TACC2: variants seen among roughly 807,000 people sequenced by gnomAD.
TACC2 encodes transforming acidic coiled-coil-containing protein 2.
In TACC2, 137 loss-of-function variants were observed where a neutral mutation model predicts 227.3. The observed-to-expected ratio is 0.60, with a 90% CI of 0.52 to 0.69. The LOEUF (loss-of-function observed/expected upper bound fraction) is 0.69, where lower values mean the gene tolerates loss of function less well. Among genes scored for constraint, TACC2 ranks in the 30% least tolerant of loss-of-function variants. TACC2 has a pLI of 0.00. For synonymous variants in TACC2, 1,523 were observed against 1,487.5 expected, an observed-to-expected ratio of 1.02 and a Z score of -0.55; for missense variants, 3,470 against 3,694.4, an observed-to-expected ratio of 0.94 and a Z score of 1.57.
chr10:122,221,381 AC>A (rs2095520579), intron 11 of TACC2, among the ~76,000 whole-genome samples: 1 of 152,118 alleles, frequency 6.6e-6, no homozygotes, highest in Non-Finnish European at 1.5e-5. Context: ...TGTCCAAGAG[AC>A]CCTGACAGAG....
Position 122,224,902 on chromosome 10 carries a change from T to G in TACC2, c.7608+115T>G. 8.3e-6 allele frequency: 7 copies of G among 842,310 alleles called. 1 individual carries two copies. The South Asian group carries it at 1.1e-4, about 13-fold the overall frequency. The allele number at this position is 842,310 out of a possible 1,614,324, so 52.2% of individuals were successfully genotyped here. On this transcript the variant is annotated intron_variant, in intron 12 of 22. Transcript: ENST00000369005. ...GACCCCAAATCGAGTGTTTTCTGTG[T>G]ACACAGCTTCCCGGGTGCACAGCAG...
At position 122,210,866 on chromosome 10, in the gene TACC2, C is replaced by A. The variant is rs1180009063; in HGVS notation, c.6441C>A (p.Thr2147=). ...AGACCACCAAGAAACCCACAGAGAC[C>A]CCCCCAGTGAAGGAGACGCAACAGG... is the stretch of plus-strand genomic sequence containing the variant. The part of the protein sequence containing the change: ...KKQTTKKPTE[T]PPVKETQQEP... Residue 2147 remains threonine, a synonymous_variant, in exon 9 of 23, where the codon ACC becomes ACA. Coordinates refer to ENST00000369005, the MANE Select transcript of TACC2 (RefSeq NM_206862.4). This position sits in a 1 kb window ranked among gnomAD's most constrained non-coding sequence, Gnocchi z 4.6. The A allele has an allele frequency of 1.2e-6, 2 of 1,613,554 alleles. No individual in the cohort carries two copies. The highest frequency in any genetic ancestry group is 2.2e-5 in the South Asian group (2 of 91,018).
intron 5 of TACC2, among the ~76,000 whole-genome samples, chr10:122,092,044 G>A (rs2080880666): frequency 6.6e-6 from 1 of 152,324 alleles, no homozygotes; most frequent in South Asian, 2.1e-4. Context: ...GGTGCCCAGT[G>A]GGTGTTAGAT....
intron 16 of TACC2, 119 bp from the exon 17 acceptor site, chr10:122,237,276 T>A (rs2095875060): frequency 2.0e-6 from 2 of 991,184 alleles, no homozygotes; most frequent in African/African-American, 3.3e-5. Flanking sequence ...TTCTCATACT[T>A]TTGATGTTCT....
intron 11 of TACC2, among the ~76,000 whole-genome samples, chr10:122,220,051 A>G (rs986477794): frequency 2.6e-5 from 4 of 151,676 alleles, no homozygotes; most frequent in Middle Eastern, 6.8e-3. Context: ...AAAAAAAAAA[A>G]GAAAAAAGAA....
At chr10:122,115,226 T>G (rs1374238671) in intron 5 of TACC2, among the ~76,000 whole-genome samples, 3 of 152,040 alleles carry the variant, frequency 2.0e-5, no homozygotes, top group African/African-American at 7.3e-5. Context: ...AGATGGTGGT[T>G]GAATTGAATG....
chr10:122,070,598 A>C (rs1003228651), intron 3 of TACC2, among the ~76,000 whole-genome samples: 1 of 152,062 alleles, frequency 6.6e-6, no homozygotes, highest in Non-Finnish European at 1.5e-5. Flanking sequence ...TACTAAAAAT[A>C]CAAAATTAGC....
chr10:122,077,917 A>G (rs1444521513), intron 3 of TACC2, among the ~76,000 whole-genome samples: 1 of 152,104 alleles, frequency 6.6e-6, no homozygotes, highest in African/African-American at 2.4e-5. Context: ...TGCCCAGGCC[A>G]GGCTCAGTGG....
intron 7 of TACC2, 66 bp downstream of exon 7, chr10:122,143,772 C>A (rs186618601): frequency 6.4e-6 from 10 of 1,561,336 alleles, no homozygotes; most frequent in Non-Finnish European, 1.7e-6. Flanking sequence ...GTCTCTGCCC[C>A]CTAGGTCTTG....
Position 122,084,139 on chromosome 10 carries a change from C to A in TACC2, c.1639C>A (p.Pro547Thr). The A allele has an allele frequency of 6.2e-7, 1 of 1,614,054 alleles. No individual in the cohort carries two copies. Among genetic ancestry groups the A allele is most frequent in the Middle Eastern group, 1.6e-4 (1 of 6,062 alleles). ...KAPSESARGP[P>T]GPTDGAKVHE... ...ACCAAGTGAAAGTGCCAGAGGGCCA[C>A]CGGGGCCAACGGATGGAGCCAAGGT... Residue 547 changes from proline to threonine, a missense_variant, in exon 4 of 23, where the codon CCG (proline) becomes ACG (threonine). Physicochemically the swap from Pro to Thr is conservative, Grantham distance 38. Transcript: ENST00000369005.
At position 122,086,021 on chromosome 10, in the gene TACC2, C is replaced by T; in HGVS notation, c.3521C>T (p.Thr1174Ile). ...HCLTSGEEASTSALRESCQAE... is the reference protein window; with the variant it reads ...HCLTSGEEASISALRESCQAE... ...CTTACCTCCGGGGAGGAAGCTTCTA[C>T]CTCTGCCCTACGTGAGTCCTGCCAA... The change falls in exon 4 of 23, where the codon ACC (threonine) becomes ATC (isoleucine). Residue 1174 changes from threonine to isoleucine, a missense_variant. Thr to Ile is a moderately conservative substitution (Grantham distance 89). Transcript: ENST00000369005. 2 of 1,613,950 alleles carry T rather than the reference C, an allele frequency of 1.2e-6. No homozygotes were observed. The highest frequency in any genetic ancestry group is 1.1e-5 in the South Asian group (1 of 91,078).
At chr10:122,034,883 G>A (rs886973799) in intron 2 of TACC2, among the ~76,000 whole-genome samples, 2 of 149,480 alleles carry the variant, frequency 1.3e-5, no homozygotes, top group East Asian at 2.0e-4. Flanking sequence ...AGCCAAGATC[G>A]TGCCACTGCA....
intron 1 of TACC2, among the ~76,000 whole-genome samples, chr10:122,015,336 C>A (rs1164316646): frequency 1.3e-5 from 2 of 151,914 alleles, no homozygotes; most frequent in Non-Finnish European, 2.9e-5. Flanking sequence ...GAAACCCGGT[C>A]TCTACTAAAA....
chr10:122,168,773 GT>G (rs1416029309), intron 7 of TACC2, among the ~76,000 whole-genome samples: 2 of 152,160 alleles, frequency 1.3e-5, no homozygotes, highest in African/African-American at 4.8e-5. Context: ...CCATCCCTGT[GT>G]TTCTTTCCAC....
chr10:122,188,168 G>A (rs769501249), intron 7 of TACC2, among the ~76,000 whole-genome samples: 11 of 152,204 alleles, frequency 7.2e-5, no homozygotes, highest in Admixed American at 3.3e-4. Context: ...CGTGAGCTGA[G>A]ATCCAGAAAA....
chr10:122,048,431 T>TC, intron 2 of TACC2, among the ~76,000 whole-genome samples: 1 of 132,338 alleles, frequency 7.6e-6, no homozygotes, highest in Non-Finnish European at 1.7e-5. Flanking sequence ...CTTCCCTCCT[T>TC]GCTTCCTCCC....
chr10:122,033,027 C>T (rs1959171671), intron 2 of TACC2: 2 of 1,026,674 alleles, frequency 1.9e-6, no homozygotes, highest in Non-Finnish European at 2.6e-6. Flanking sequence ...ACAAAAACAC[C>T]AAAGATTGTC....
Position 122,084,409 on chromosome 10 carries a change from A to G in TACC2, c.1909A>G (p.Arg637Gly), listed in dbSNP as rs1426494594. 6.2e-7 allele frequency: 1 copy of G among 1,613,142 alleles called. No homozygotes were observed. Among genetic ancestry groups the G allele is most frequent in the Non-Finnish European group, 8.5e-7 (1 of 1,180,032 alleles). Residue 637 changes from arginine (R) to glycine (G), a missense_variant, in exon 4 of 23, where the codon AGA becomes GGA. Transcript: ENST00000369005. ...CAGCTCACACTCAGCACAGCCACCCAGAAAGGGGGGTGCTGGGCACACGGA... is the reference window on the plus strand; with the variant it reads ...CAGCTCACACTCAGCACAGCCACCCGGAAAGGGGGGTGCTGGGCACACGGA... ...HPSSHSAQPP[R>G]KGGAGHTDGP...
chr10:122,211,495 A>G lies in TACC2; in HGVS notation c.7070A>G (p.Gln2357Arg). 6.2e-7 allele frequency: 1 copy of G among 1,613,880 alleles called. No individual in the cohort carries two copies. Among genetic ancestry groups the G allele is most frequent in the Non-Finnish European group, 8.5e-7 (1 of 1,179,944 alleles). ...CCTTTTTCTTCCACCTCAAAAATGCAGGAGTCTCCCAAACTGCCCCAACAA... is the reference window on the plus strand; with the variant it reads ...CCTTTTTCTTCCACCTCAAAAATGCGGGAGTCTCCCAAACTGCCCCAACAA... ...FNPFSSTSKMQESPKLPQQSY... is the reference protein window; with the variant it reads ...FNPFSSTSKMRESPKLPQQSY... The change falls in exon 9 of 23, where the codon CAG (glutamine) becomes CGG (arginine). Residue 2357 changes from glutamine (Q) to arginine (R), a missense_variant. Gln to Arg is a conservative substitution (Grantham distance 43, BLOSUM62 1). Coordinates refer to ENST00000369005, the MANE Select transcript of TACC2 (RefSeq NM_206862.4).
Sources: allele counts gnomAD v4.1 joint callset (sites outside exome capture counted in the v4.1 genomes callset), GRCh38; gene constraint gnomAD v4.1.1; non-coding constraint Gnocchi (gnomAD v3.1); transcripts MANE v1.5; gene names NCBI Gene and HGNC (gene_info 2026-07-23, HGNC 2026-07-21).